Variants in GREB1 observed in about 807,000 individuals in gnomAD.
GREB1 encodes the protein growth regulating estrogen receptor binding 1, also known as protein GREB1.
GREB1 carries 106 observed loss-of-function variants against 200.7 expected under a neutral mutation model. The ratio of observed to expected loss-of-function variants is 0.53; its 90% confidence interval spans 0.45 to 0.62. The LOEUF is 0.62. Ranked by LOEUF, GREB1 falls within the 20% of genes least tolerant of loss-of-function variation. The pLI, the probability that GREB1 is intolerant of heterozygous loss-of-function variation, is 0.00. For missense variants in GREB1, 2,243 were observed against 2,556.8 expected (o/e 0.88, Z 2.65); for synonymous variants, 1,132 against 1,092.4 (o/e 1.04, Z -0.72).
intron 1 of GREB1, among the ~76,000 whole-genome samples, chr2:11,510,950 G>T (rs572745797): frequency 6.6e-6 from 1 of 152,166 alleles, no homozygotes; most frequent in Non-Finnish European, 1.5e-5. Flanking sequence ...TGGGATTACA[G>T]GCATGAGCCA....
In GREB1 at chr2:11,562,525, G is replaced by A. The variant is rs1444675680; in HGVS notation, c.220G>A (p.Gly74Ser). The change falls in exon 3 of 33, where the codon GGC (glycine) becomes AGC (serine). Residue 74 changes from glycine to serine, a missense_variant. Coordinates refer to ENST00000381486, the MANE Select transcript of GREB1 (RefSeq NM_014668.4). ...GGGAGAAGGAGGGCTGGAAACAAAT[G>A]GCCCCCCAAACCCTTTCCAGCTGCA... ...EEGEGGLETN[G>S]PPNPFQLHPL... 1.3e-5 allele frequency: 21 copies of A among 1,606,088 alleles called. No individual in the cohort carries two copies. The highest frequency in any genetic ancestry group is 1.7e-5 in the Non-Finnish European group (20 of 1,176,428).
At chr2:11,512,398 A>G in intron 1 of GREB1, among the ~76,000 whole-genome samples, 1 of 152,246 alleles carries the variant, frequency 6.6e-6, no homozygotes, top group East Asian at 1.9e-4. Context: ...AAATTCACTT[A>G]ACAAATATTT....
intron 11 of GREB1, among the ~76,000 whole-genome samples, chr2:11,594,341 T>C (rs1290725373): frequency 1.3e-5 from 2 of 148,428 alleles, no homozygotes; most frequent in African/African-American, 5.0e-5. Context: ...AGTGTCTGAA[T>C]TGTCTTTTAG....
At chr2:11,602,314 C>T (rs1474926747) in intron 16 of GREB1, 92 bp from the exon 17 acceptor site, 34 of 1,161,504 alleles carry the variant, frequency 2.9e-5, no homozygotes, top group Non-Finnish European at 4.4e-5. Context: ...GATGAAGTTG[C>T]CAACCCAGGT....
intron 1 of GREB1, among the ~76,000 whole-genome samples, chr2:11,515,108 T>TTCCTTCCA (rs1673452559): frequency 7.0e-6 from 1 of 142,950 alleles, no homozygotes; most frequent in Non-Finnish European, 1.5e-5. Flanking sequence ...CTATCCATCC[T>TTCCTTCCA]TCCATCCATC....
intron 1 of GREB1, among the ~76,000 whole-genome samples, chr2:11,486,442 G>A (rs574080571): frequency 2.6e-5 from 4 of 152,150 alleles, no homozygotes; most frequent in South Asian, 2.1e-4. Context: ...AGGCAACCTC[G>A]CCCAGCCTAA....
At chr2:11,605,235 C>T (rs1471333144) in intron 17 of GREB1, among the ~76,000 whole-genome samples, 18 of 96,174 alleles carry the variant, frequency 1.9e-4, no homozygotes, top group Non-Finnish European at 1.4e-4. Context: ...CTTTTTTTTT[C>T]TTTTTTTTGA....
chr2:11,593,249 C>T (rs765643041), intron 11 of GREB1, 123 bp downstream of exon 11: 31 of 640,776 alleles, frequency 4.8e-5, no homozygotes, highest in Non-Finnish European at 6.8e-5. Flanking sequence ...TTAGCACCTG[C>T]GGTTTGTGCT....
At chr2:11,591,481 C>T (rs1680723142) in intron 10 of GREB1, 1 of 715,560 alleles carries the variant, frequency 1.4e-6, no homozygotes. Flanking sequence ...GAAAAGTATT[C>T]AGTCTCACTC....
chr2:11,554,190 A>G (rs1302985511), intron 1 of GREB1, among the ~76,000 whole-genome samples: 1 of 152,114 alleles, frequency 6.6e-6, no homozygotes, highest in African/African-American at 2.4e-5. Flanking sequence ...TCTCTCTTTC[A>G]GGAGCACTTT....
chr2:11,607,772 T>G (rs1427984840), intron 17 of GREB1, among the ~76,000 whole-genome samples: 1 of 152,064 alleles, frequency 6.6e-6, no homozygotes, highest in African/African-American at 2.4e-5. Flanking sequence ...CAGGACTCTT[T>G]GTTGCAAGTA....
In GREB1 at chr2:11,597,885, G is replaced by A; in HGVS notation, c.2059G>A (p.Asp687Asn). Residue 687 changes from aspartate (D) to asparagine (N), a missense_variant, in exon 14 of 33, where the codon GAC (aspartate) becomes AAC (asparagine). Physicochemically the swap from Asp to Asn is conservative, Grantham distance 23 (BLOSUM62 1). Coordinates refer to ENST00000381486, the MANE Select transcript of GREB1 (RefSeq NM_014668.4). This position sits in a 1 kb window ranked among gnomAD's most constrained non-coding sequence, Gnocchi z 4.1. Reference protein sequence around the residue: ...SIADSSTQNLDLGSFEKVDFL... With the variant: ...SIADSSTQNLNLGSFEKVDFL... ...TGCGGATTCCAGCACCCAAAATCTG[G>A]ACCTGGGATCCTTTGAGAAGGTGGA... The A allele has an allele frequency of 6.2e-7, 1 of 1,614,138 alleles. No individual in the cohort carries two copies.
chr2:11,509,028 C>G (rs963331699), intron 1 of GREB1, among the ~76,000 whole-genome samples: 3 of 151,904 alleles, frequency 2.0e-5, no homozygotes, highest in African/African-American at 7.3e-5. Flanking sequence ...GCGCCCGCCA[C>G]CACGCCCGGC....
intron 4 of GREB1, among the ~76,000 whole-genome samples, chr2:11,568,356 C>T (rs757267821): frequency 1.3e-5 from 2 of 152,346 alleles, no homozygotes; most frequent in Non-Finnish European, 2.9e-5. Flanking sequence ...CGTGTGTGAA[C>T]TCTGACACGA....
chr2:11,602,545 AC>A lies in GREB1; in HGVS notation c.2666+4del. 1 of 1,613,484 alleles carries A rather than the reference AC, an allele frequency of 6.2e-7. No individual in the cohort carries two copies. The highest frequency in any genetic ancestry group is 8.5e-7 in the Non-Finnish European group (1 of 1,179,400). On this transcript the variant is annotated splice_donor_region_variant and intron_variant, in intron 17 of 32. Coordinates refer to ENST00000381486, the MANE Select transcript of GREB1 (RefSeq NM_014668.4). Reference sequence around the variant, plus strand: ...ATGGTCACTGCATTAGGAAAAAGGTACTTGTTTCTCTTCTAAGTTACTAGAA... The same window carrying A: ...ATGGTCACTGCATTAGGAAAAAGGTATTGTTTCTCTTCTAAGTTACTAGAA...
At chr2:11,544,601 G>A (rs185110165) in intron 1 of GREB1, among the ~76,000 whole-genome samples, 20 of 152,214 alleles carry the variant, frequency 1.3e-4, no homozygotes, top group Admixed American at 2.6e-4. Flanking sequence ...GGGAGGGGTC[G>A]CTCTAAGGAG....
intron 1 of GREB1, among the ~76,000 whole-genome samples, chr2:11,537,461 G>A (rs755624480): frequency 3.3e-5 from 5 of 151,746 alleles, no homozygotes; most frequent in Admixed American, 2.6e-4. Context: ...CCATTTTTCA[G>A]TTGGGGAAAC....
upstream of GREB1, among the ~76,000 whole-genome samples, chr2:11,531,263 G>A (rs1334342321): frequency 6.6e-6 from 1 of 152,182 alleles, no homozygotes; most frequent in Non-Finnish European, 1.5e-5. Flanking sequence ...AGGCTGCCAA[G>A]GAGCTGGTTT....
At chr2:11,616,223 G>A (rs929116239) in intron 20 of GREB1, among the ~76,000 whole-genome samples, 6 of 152,216 alleles carry the variant, frequency 3.9e-5, no homozygotes, top group African/African-American at 1.2e-4. Context: ...TGGCCTCTGC[G>A]CTGCACGGCT....
Sources: gnomAD v4.1 joint callset for allele counts (sites outside exome capture counted in the v4.1 genomes callset) on GRCh38, gnomAD v4.1.1 for gene constraint, Gnocchi (gnomAD v3.1) non-coding constraint, MANE v1.5 for transcripts, NCBI Gene and HGNC (gene_info 2026-07-23, HGNC 2026-07-21) for gene names.